The following LSM14A variants were observed in gnomAD, a reference collection of about 807,000 sequenced individuals.
LSM14A encodes protein LSM14 homolog A.
Under a neutral mutation model 52.4 loss-of-function variants are expected in LSM14A, and 14 were observed. The observed-to-expected ratio is 0.27, with a 90% CI of 0.18 to 0.42. LSM14A has a LOEUF of 0.42. LSM14A is among the 10% of genes least tolerant of loss of function. LSM14A has a pLI of 1.00. For missense variants in LSM14A, 417 were observed against 581.8 expected (o/e 0.72, Z 2.91); for synonymous variants, 185 against 200.3 (o/e 0.92, Z 0.64).
intron 3 of LSM14A, among the ~76,000 whole-genome samples, chr19:34,205,037 C>G (rs1269554818): frequency 6.6e-6 from 1 of 152,154 alleles, no homozygotes; most frequent in African/African-American, 2.4e-5. Context: ...GAGGCGGAGG[C>G]AGGAGAATCA....
At chr19:34,192,315 TG>T (rs1568479714) in intron 1 of LSM14A, among the ~76,000 whole-genome samples, 45 of 84,340 alleles carry the variant, frequency 5.3e-4, no homozygotes, top group Non-Finnish European at 4.0e-4. Context: ...ACATTCTTTT[TG>T]TTGTTTTTTT....
intron 3 of LSM14A, among the ~76,000 whole-genome samples, chr19:34,201,910 C>T (rs1344452192): frequency 6.6e-6 from 1 of 152,028 alleles, no homozygotes; most frequent in Non-Finnish European, 1.5e-5. Flanking sequence ...CAGCCTAGAC[C>T]TCCTGGGCTC....
intron 1 of LSM14A, among the ~76,000 whole-genome samples, chr19:34,187,704 GGTATT>G (rs1309179192): frequency 1.3e-5 from 2 of 152,078 alleles, no homozygotes; most frequent in South Asian, 4.2e-4. Context: ...TTATAATGGA[GGTATT>G]GTATTGGGAA....
chr19:34,190,555 A>G (rs2073392603), intron 1 of LSM14A, among the ~76,000 whole-genome samples: 1 of 151,630 alleles, frequency 6.6e-6, no homozygotes, highest in African/African-American at 2.4e-5. Flanking sequence ...AAAAAAGTGT[A>G]TCAAGTGACT....
intron 4 of LSM14A, among the ~76,000 whole-genome samples, chr19:34,212,471 TA>T (rs1185102924): frequency 1.3e-5 from 2 of 152,208 alleles, no homozygotes; most frequent in African/African-American, 4.8e-5. Context: ...ATATAAATTT[TA>T]AATAGATTAA....
intron 9 of LSM14A, among the ~76,000 whole-genome samples, chr19:34,223,408 T>C (rs544741309): frequency 1.3e-5 from 2 of 152,284 alleles, no homozygotes; most frequent in South Asian, 4.1e-4. Flanking sequence ...TGTAAGCCTG[T>C]CCTGGACCCT....
chr19:34,220,774 G>A (rs1281176609), intron 8 of LSM14A, among the ~76,000 whole-genome samples: 1 of 152,110 alleles, frequency 6.6e-6, no homozygotes, highest in African/African-American at 2.4e-5. Context: ...ACTTGGTATC[G>A]GGTCCATAGA....
chr19:34,213,913 T>G (rs1326470494), intron 4 of LSM14A, among the ~76,000 whole-genome samples: 3 of 152,166 alleles, frequency 2.0e-5, no homozygotes, highest in Non-Finnish European at 2.9e-5. Context: ...CCTGAGTAGC[T>G]GGGGTTACAG....
intron 4 of LSM14A, among the ~76,000 whole-genome samples, chr19:34,214,873 T>C (rs547674329): frequency 1.3e-5 from 2 of 151,404 alleles, no homozygotes; most frequent in Non-Finnish European, 1.5e-5. Flanking sequence ...ACAGATAAAA[T>C]TGTGAGGGGG....
intron 8 of LSM14A, chr19:34,221,279 C>T (rs990543070): frequency 1.2e-5 from 6 of 508,904 alleles, no homozygotes; most frequent in African/African-American, 1.1e-4. Context: ...GAATGAGTTT[C>T]ACCATTTTGG....
At chr19:34,180,714 A>G (rs1391920229) in intron 1 of LSM14A, among the ~76,000 whole-genome samples, 1 of 152,078 alleles carries the variant, frequency 6.6e-6, no homozygotes, top group Non-Finnish European at 1.5e-5. Context: ...ATGAGCAACC[A>G]CGACAGTCAG....
At chr19:34,177,333 G>A (rs1244334398) in intron 1 of LSM14A, among the ~76,000 whole-genome samples, 3 of 151,944 alleles carry the variant, frequency 2.0e-5, no homozygotes, top group South Asian at 2.1e-4. Context: ...TCACATTGAC[G>A]TTTATAATGC....
intron 1 of LSM14A, among the ~76,000 whole-genome samples, chr19:34,188,485 C>T (rs2070102272): frequency 6.6e-6 from 1 of 152,126 alleles, no homozygotes; most frequent in Non-Finnish European, 1.5e-5. Flanking sequence ...ATGCAATTAA[C>T]CATTATATTG....
In LSM14A at chr19:34,205,339, A is replaced by C. The variant is rs549166431; in HGVS notation, c.416-3590A>C. 4.0e-5 allele frequency among the ~76,000 whole-genome samples: 6 copies of C among 151,820 alleles called. No individual in the cohort carries two copies. In the South Asian group the frequency reaches 1.3e-3, roughly 32 times the overall value. On this transcript the variant is annotated intron_variant, in intron 3 of 9. Transcript: ENST00000544216. Reference sequence around the variant, plus strand: ...CCATCTCTACAAAAATACAAAAATTAGCCAGGTATGATGGCAGGTGCCTGT... The same window carrying C: ...CCATCTCTACAAAAATACAAAAATTCGCCAGGTATGATGGCAGGTGCCTGT...
chr19:34,187,651 A>G (rs2070029118), intron 1 of LSM14A, among the ~76,000 whole-genome samples: 1 of 152,178 alleles, frequency 6.6e-6, no homozygotes, highest in South Asian at 2.1e-4. Flanking sequence ...TATTTTAAGT[A>G]TATAATGTTT....
intron 1 of LSM14A, 114 bp from the exon 2 acceptor site, chr19:34,194,364 T>C (rs1462216870): frequency 1.0e-6 from 1 of 995,308 alleles, no homozygotes; most frequent in African/African-American, 1.6e-5. Flanking sequence ...ATGAATACTT[T>C]CTCAGACATT....
chr19:34,202,387 A>G, intron 3 of LSM14A, among the ~76,000 whole-genome samples: 1 of 151,082 alleles, frequency 6.6e-6, no homozygotes. Flanking sequence ...CAGCTGCTCC[A>G]GAGGCTGAGG....
intron 3 of LSM14A, among the ~76,000 whole-genome samples, chr19:34,203,587 G>A (rs1294666307): frequency 6.6e-6 from 1 of 152,018 alleles, no homozygotes; most frequent in East Asian, 1.9e-4. Flanking sequence ...ATCATTTGAG[G>A]TCAGGAGTTC....
chr19:34,209,124 G>C, intron 4 of LSM14A, 73 bp downstream of exon 4: 1 of 1,289,146 alleles, frequency 7.8e-7, no homozygotes, highest in South Asian at 1.8e-5. Context: ...GAATGTAAGA[G>C]CTTTTGCAGC....
Sources: gnomAD v4.1 joint callset for allele counts (sites outside exome capture counted in the v4.1 genomes callset) on GRCh38, gnomAD v4.1.1 for gene constraint, MANE v1.5 for transcripts, NCBI Gene and HGNC (gene_info 2026-07-23, HGNC 2026-07-21) for gene names.